SEPTIN9: variants seen among roughly 807,000 people sequenced by gnomAD.
SEPTIN9 encodes the protein septin-9.
SEPTIN9 carries 13 observed loss-of-function variants against 56.6 expected under a neutral mutation model. The observed-to-expected ratio is 0.23, with a 90% CI of 0.15 to 0.37. The LOEUF (loss-of-function observed/expected upper bound fraction) is 0.37, where lower values mean the gene tolerates loss of function less well. SEPTIN9 is among the 10% of genes least tolerant of loss of function. SEPTIN9 has a pLI of 1.00. For missense variants in SEPTIN9, 650 were observed against 823.1 expected, an observed-to-expected ratio of 0.79 and a Z score of 2.57; for synonymous variants, 332 against 334.1, an observed-to-expected ratio of 0.99 and a Z score of 0.07.
At chr17:77,339,483 A>G (rs984027094) in intron 2 of SEPTIN9, among the ~76,000 whole-genome samples, 3 of 151,074 alleles carry the variant, frequency 2.0e-5, no homozygotes, top group Non-Finnish European at 2.9e-5. Context: ...TTTTGAAAGG[A>G]TTCTTTTTTC....
chr17:77,365,671 C>A (rs1019607732), intron 2 of SEPTIN9, among the ~76,000 whole-genome samples: 9 of 152,108 alleles, frequency 5.9e-5, no homozygotes, highest in African/African-American at 2.2e-4. Flanking sequence ...CTGCTCCCTG[C>A]CCTTCCCGGG....
At chr17:77,465,284 G>T (rs1329801609) in intron 3 of SEPTIN9, among the ~76,000 whole-genome samples, 3 of 152,204 alleles carry the variant, frequency 2.0e-5, no homozygotes, top group Admixed American at 2.0e-4. Context: ...TAATTCTGTT[G>T]TGAAGAATTC....
rs1019072985 is a variant in SEPTIN9 at position 77,371,066 on chromosome 17, T to C, written c.77-30993T>C. Among the ~76,000 whole-genome samples the C allele has an allele frequency of 6.6e-6, 1 of 152,214 alleles. No homozygotes were observed. The highest frequency in any genetic ancestry group is 2.4e-5 in the African/African-American group (1 of 41,450). On this transcript the variant is annotated intron_variant, in intron 2 of 11. Coordinates refer to ENST00000427177, the MANE Select transcript of SEPTIN9 (RefSeq NM_001113491.2). This position sits in a 1 kb window ranked among gnomAD's most constrained non-coding sequence, Gnocchi z 4.1. ...ATGATGTACAATTAGAGCAGTTGGT[T>C]AGATACGAGGGTGAACTTCCTGGCT... is the stretch of plus-strand genomic sequence containing the variant.
At chr17:77,378,646 A>G (rs375546545) in intron 2 of SEPTIN9, among the ~76,000 whole-genome samples, 1 of 152,230 alleles carries the variant, frequency 6.6e-6, no homozygotes, top group Non-Finnish European at 1.5e-5. Context: ...ACCACTAATT[A>G]TGGAAAGCAC....
rs1467358939 is a variant in SEPTIN9 at position 77,498,990 on chromosome 17, G to C, written c.*332G>C. ...GTGTGCAGATCATCCGTCTGTGTGG[G>C]GTTCTCAGTGCCGGAGGCCTTGGGG... On this transcript the variant is annotated 3_prime_UTR_variant, in exon 12 of 12. Transcript: ENST00000427177. The C allele has an allele frequency of 3.7e-6, 2 of 541,942 alleles. No homozygotes were observed. The highest frequency in any genetic ancestry group is 1.5e-5 in the South Asian group (1 of 65,296). 33.6% of individuals were successfully genotyped at this position (541,942 alleles called of 1,614,324 possible).
Position 77,389,661 on chromosome 17 carries a change from C to T in SEPTIN9, c.77-12398C>T, listed in dbSNP as rs896195548. 6.6e-6 allele frequency among the ~76,000 whole-genome samples: 1 copy of T among 152,250 alleles called. No individual in the cohort carries two copies. The highest frequency in any genetic ancestry group is 3.4e-3 in the Middle Eastern group (1 of 294). On this transcript the variant is annotated intron_variant, in intron 2 of 11. Transcript: ENST00000427177. The surrounding 1 kb of genome is among the most constrained non-coding windows in gnomAD (Gnocchi z 4.3). ...ACACCTAGACCCTCCCACACAGATC[C>T]GTCCCACCCTTCTGCTGCCTTCCAC... is the stretch of plus-strand genomic sequence containing the variant.
At chr17:77,440,176 A>G (rs531647283) in intron 3 of SEPTIN9, among the ~76,000 whole-genome samples, 3 of 152,126 alleles carry the variant, frequency 2.0e-5, no homozygotes, top group Admixed American at 6.5e-5. Context: ...TTTATTTGAG[A>G]TGGAGTCTCG....
At chr17:77,357,218 C>T (rs998017523) in intron 2 of SEPTIN9, among the ~76,000 whole-genome samples, 1 of 152,162 alleles carries the variant, frequency 6.6e-6, no homozygotes, top group African/African-American at 2.4e-5. Flanking sequence ...GACACATGCG[C>T]TCATTAAATG....
chr17:77,475,482 G>T lies in SEPTIN9; in HGVS notation c.722-6662G>T, dbSNP rs192574427. ...TAAGAAGCCCCTTTGTGGGGGACAG[G>T]GAGCATCTGTTAGTTTATAGGACCT... On this transcript the variant is annotated intron_variant, in intron 3 of 11. Transcript: ENST00000427177. This position sits in a 1 kb window ranked among gnomAD's most constrained non-coding sequence, Gnocchi z 4.6. The T allele has an allele frequency of 3.9e-5, 62 of 1,592,196 alleles. No homozygotes were observed. The African/African-American group carries it at 8.0e-4, about 20-fold the overall frequency.
intron 1 of SEPTIN9, among the ~76,000 whole-genome samples, chr17:77,292,803 A>G (rs72880518): frequency 0.041 from 6,178 of 151,750 alleles, 164 homozygotes; most frequent in East Asian, 0.058. Flanking sequence ...CGTTGAGATT[A>G]CCTTCATAAG....
chr17:77,439,900 G>C (rs1180151250), intron 3 of SEPTIN9, among the ~76,000 whole-genome samples: 1 of 152,146 alleles, frequency 6.6e-6, no homozygotes, highest in African/African-American at 2.4e-5. Context: ...TGCCCCATCT[G>C]GTCCCCATTT....
rs536935738 is a variant in SEPTIN9 at position 77,356,002 on chromosome 17, G to A, written c.77-46057G>A. On this transcript the variant is annotated intron_variant, in intron 2 of 11. Coordinates refer to ENST00000427177, the MANE Select transcript of SEPTIN9 (RefSeq NM_001113491.2). The stretch of plus-strand genomic sequence containing the variant: ...GTCTCAAAAAAAAAAAAAAAATGAA[G>A]TGCTCCCAGCTCTTCCTCCTGTGGT... Among the ~76,000 whole-genome samples, 8 of 92,770 alleles carry A rather than the reference G, an allele frequency of 8.6e-5. No homozygotes were observed. The East Asian group carries it at 1.5e-3, about 18-fold the overall frequency. The allele number at this position is 92,770 out of a possible 152,430, so 60.9% of individuals were successfully genotyped here.
chr17:77,347,273 G>A lies in SEPTIN9; in HGVS notation c.76+40076G>A, dbSNP rs529512391. On this transcript the variant is annotated intron_variant, in intron 2 of 11. Transcript: ENST00000427177. ...GGCTCCTGTAATCCCAGCTACTCGG[G>A]AGGCTGAGGCAGGAGAATCGCTTGA... Among the ~76,000 whole-genome samples the A allele has an allele frequency of 4.6e-5, 7 of 151,934 alleles. No homozygotes were observed. The East Asian group carries it at 1.4e-3, about 30-fold the overall frequency.
intron 1 of SEPTIN9, among the ~76,000 whole-genome samples, chr17:77,295,681 C>T (rs1043077282): frequency 6.6e-6 from 1 of 152,152 alleles, no homozygotes; most frequent in African/African-American, 2.4e-5. Flanking sequence ...GATGTGCAAA[C>T]AGGAGCTCCC....
In SEPTIN9 at chr17:77,310,544, C is replaced by T. The variant is rs919191997; in HGVS notation, c.76+3347C>T. Among the ~76,000 whole-genome samples the T allele has an allele frequency of 2.6e-5, 4 of 152,080 alleles. No individual in the cohort carries two copies. The highest frequency in any genetic ancestry group is 4.8e-5 in the African/African-American group (2 of 41,400). On this transcript the variant is annotated intron_variant, in intron 2 of 11. Transcript: ENST00000427177. The surrounding 1 kb of genome is among the most constrained non-coding windows in gnomAD (Gnocchi z 4.7). ...TCCCGTGGCCCACTGGTGACATCGC[C>T]GAAGGTCTTCTCTGTTACTAGTGCT...
chr17:77,428,778 G>T (rs1337214945), intron 3 of SEPTIN9, among the ~76,000 whole-genome samples: 1 of 152,198 alleles, frequency 6.6e-6, no homozygotes, highest in Non-Finnish European at 1.5e-5. Flanking sequence ...AGCTGGTGGG[G>T]TTCCCTTGTG....
At position 77,389,548 on chromosome 17, in the gene SEPTIN9, G is replaced by T. The variant is rs1012290101; in HGVS notation, c.77-12511G>T. The stretch of plus-strand genomic sequence containing the variant: ...AATCACCTCCCAGGGCCTCGCTCCT[G>T]CCTTCAGCGACAGCCATTTATCAGG... On this transcript the variant is annotated intron_variant, in intron 2 of 11. Transcript: ENST00000427177. This position sits in a 1 kb window ranked among gnomAD's most constrained non-coding sequence, Gnocchi z 4.3. 6.6e-6 allele frequency among the ~76,000 whole-genome samples: 1 copy of T among 152,148 alleles called. No homozygotes were observed. The highest frequency in any genetic ancestry group is 1.5e-5 in the Non-Finnish European group (1 of 68,028).
intron 2 of SEPTIN9, among the ~76,000 whole-genome samples, chr17:77,314,263 G>A (rs2032615386): frequency 6.7e-6 from 1 of 150,022 alleles, no homozygotes; most frequent in Non-Finnish European, 1.5e-5. Context: ...TGCAATCTCT[G>A]CCTCCCAGGT....
chr17:77,450,905 C>A lies in SEPTIN9; in HGVS notation c.722-31239C>A, dbSNP rs2037939525. 2.6e-5 allele frequency: 18 copies of A among 700,700 alleles called. No homozygotes were observed. The highest frequency in any genetic ancestry group is 3.2e-5 in the Non-Finnish European group (18 of 569,978). 43.4% of individuals were successfully genotyped at this position (700,700 alleles called of 1,614,324 possible). A position where few individuals can be genotyped will look rare whatever the true frequency, so the allele number is the denominator to read the frequency against. On this transcript the variant is annotated intron_variant, in intron 3 of 11. Transcript: ENST00000427177. This position sits in a 1 kb window ranked among gnomAD's most constrained non-coding sequence, Gnocchi z 6.0. ...CCAGGTGGCTGTGTTCCAGCCCTGG[C>A]TGCAGGTCTGAATGGCTTTCTGGGG...
Sources: gnomAD v4.1 joint callset for allele counts (sites outside exome capture counted in the v4.1 genomes callset) on GRCh38, gnomAD v4.1.1 for gene constraint, Gnocchi (gnomAD v3.1) non-coding constraint, MANE v1.5 for transcripts, NCBI Gene and HGNC (gene_info 2026-07-23, HGNC 2026-07-21) for gene names.